Variants in DYTN observed in about 807,000 individuals in gnomAD.
DYTN encodes dystrotelin.
Under a neutral mutation model 69.6 loss-of-function variants are expected in DYTN, and 75 were observed. That is an observed-to-expected ratio of 1.08 (90% CI 0.89 to 1.31). The LOEUF is 1.31. Ranked by LOEUF, DYTN falls within the 50% of genes most tolerant of loss-of-function variation. DYTN has a pLI of 0.00. For missense variants in DYTN, 726 were observed against 688.4 expected (o/e 1.05, Z -0.61); for synonymous variants, 252 against 249.1 (o/e 1.01, Z -0.11).
At position 206,684,937 on chromosome 2, in the gene DYTN, G is replaced by C. The variant is rs148880428; in HGVS notation, c.980+8238C>G. Among the ~76,000 whole-genome samples the C allele has an allele frequency of 2.6e-5, 4 of 152,240 alleles. No individual in the cohort carries two copies. In the East Asian group the frequency reaches 7.7e-4, roughly 29 times the overall value. Reference sequence around the variant, plus strand: ...AAGTTTTATCAGTTTAATTGGTGAAGTCCTAAGATAAAGCAGTGCCTAAAT... The same window carrying C: ...AAGTTTTATCAGTTTAATTGGTGAACTCCTAAGATAAAGCAGTGCCTAAAT... On this transcript the variant is annotated intron_variant, in intron 9 of 11. Coordinates refer to ENST00000452335, the MANE Select transcript of DYTN (RefSeq NM_001093730.1).
intron 9 of DYTN, among the ~76,000 whole-genome samples, chr2:206,689,947 T>G (rs2105896363): frequency 6.6e-6 from 1 of 152,342 alleles, no homozygotes; most frequent in East Asian, 1.9e-4. Context: ...TTATAGATTC[T>G]GGCAATACAA....
chr2:206,655,247 A>AT (rs56068317), intron 11 of DYTN, among the ~76,000 whole-genome samples: 19,039 of 140,784 alleles, frequency 0.14, 1,524 homozygotes, highest in African/African-American at 0.2. Flanking sequence ...TGATTGTGTG[A>AT]TTTTTTTTTT....
rs1574582733 is a variant in DYTN at position 206,651,663 on chromosome 2, A to T, written c.*155T>A. ...TCACTCTGAACTGCAGAACTAAGAT[A>T]CATAAGTAGGGAGGGAGATCAAAAA... On this transcript the variant is annotated 3_prime_UTR_variant, in exon 12 of 12. Transcript: ENST00000452335. The T allele has an allele frequency of 1.6e-6, 1 of 624,138 alleles. No individual in the cohort carries two copies. The highest frequency in any genetic ancestry group is 3.1e-5 in the East Asian group (1 of 32,774). 38.7% of individuals were successfully genotyped at this position (624,138 alleles called of 1,614,324 possible). A position where few individuals can be genotyped will look rare whatever the true frequency, so the allele number is the denominator to read the frequency against.
At chr2:206,665,194 G>A (rs894335592) in intron 10 of DYTN, among the ~76,000 whole-genome samples, 11 of 152,168 alleles carry the variant, frequency 7.2e-5, no homozygotes, top group Non-Finnish European at 1.3e-4. Context: ...AAATTCAGCT[G>A]TCTTTTATTA....
chr2:206,698,087 T>C (rs1429192676), intron 7 of DYTN, among the ~76,000 whole-genome samples: 1 of 152,230 alleles, frequency 6.6e-6, no homozygotes, highest in Non-Finnish European at 1.5e-5. Context: ...TAAATGATTA[T>C]AATGTACTCA....
At position 206,692,959 on chromosome 2, in the gene DYTN, T is replaced by A. The variant is rs10201473; in HGVS notation, c.980+216A>T. ...TCATTTGTAGAAATAACTCTAAACA[T>A]CTGGATGGGTCACCAAAAGGTGTTG... On this transcript the variant is annotated intron_variant, in intron 9 of 11. Transcript: ENST00000452335. 2.0e-3 allele frequency among the ~76,000 whole-genome samples: 308 copies of A among 152,342 alleles called. 3 individuals carry two copies. The highest frequency in any genetic ancestry group is 7.1e-3 in the African/African-American group (297 of 41,568).
At chr2:206,698,283 C>A (rs772545945) in intron 7 of DYTN, among the ~76,000 whole-genome samples, 30 of 152,148 alleles carry the variant, frequency 2.0e-4, no homozygotes, top group Non-Finnish European at 2.9e-4. Context: ...CTGTGTCCTG[C>A]AAATTCTCTG....
intron 11 of DYTN, among the ~76,000 whole-genome samples, chr2:206,659,501 A>C (rs967175524): frequency 5.3e-5 from 8 of 150,654 alleles, no homozygotes; most frequent in Non-Finnish European, 8.9e-5. Context: ...AAAAAAAAAA[A>C]AAAAAAAAAA....
intron 1 of DYTN, among the ~76,000 whole-genome samples, chr2:206,712,085 C>A (rs73983093): frequency 0.05 from 7,546 of 152,190 alleles, 630 homozygotes; most frequent in African/African-American, 0.17. Context: ...GTTCTAACTG[C>A]TTATTGTTGG....
intron 9 of DYTN, among the ~76,000 whole-genome samples, chr2:206,675,145 G>GTGTGTGTGTGTGTATATA (rs1415225495): frequency 2.4e-4 from 29 of 120,412 alleles, no homozygotes; most frequent in African/African-American, 4.7e-4. Flanking sequence ...GTGTGTGTGT[G>GTGTGTGTGTGTGTATATA]TATATATGTG....
chr2:206,673,361 G>A (rs1018688910), intron 9 of DYTN, among the ~76,000 whole-genome samples: 16 of 152,020 alleles, frequency 1.1e-4, no homozygotes, highest in African/African-American at 2.4e-4. Context: ...GGGTTCAAGC[G>A]ATTCTCCTGC....
chr2:206,700,332 G>C (rs1390685178), intron 5 of DYTN, 116 bp from the exon 6 acceptor site: 1 of 1,078,716 alleles, frequency 9.3e-7, no homozygotes, highest in African/African-American at 1.5e-5. Flanking sequence ...TTTGGTATCT[G>C]AGACGAGGTG....
intron 10 of DYTN, 55 bp from the exon 11 acceptor site, chr2:206,663,450 T>C (rs953669542): frequency 2.8e-5 from 41 of 1,481,806 alleles, no homozygotes; most frequent in Non-Finnish European, 3.5e-5. Flanking sequence ...TACTTTTTCA[T>C]AAATGCATTA....
chr2:206,668,603 G>A (rs1699598799), intron 9 of DYTN, among the ~76,000 whole-genome samples: 1 of 152,120 alleles, frequency 6.6e-6, no homozygotes. Context: ...TAAGCAGCTT[G>A]AATCTCCCAT....
chr2:206,693,528 A>C (rs990889830), intron 8 of DYTN, among the ~76,000 whole-genome samples: 1 of 151,638 alleles, frequency 6.6e-6, no homozygotes, highest in Non-Finnish European at 1.5e-5. Context: ...AACACCCCAA[A>C]CCCCCTCAAT....
rs757571480 is a variant in DYTN, at chr2:206,665,883, C to A, written c.1127G>T (p.Arg376Ile). 6.2e-7 allele frequency: 1 copy of A among 1,613,698 alleles called. No homozygotes were observed. The highest frequency in any genetic ancestry group is 1.1e-5 in the South Asian group (1 of 90,994). Residue 376 changes from arginine (R) to isoleucine (I), a missense_variant, in exon 10 of 12, where the codon AGA becomes ATA. Coordinates refer to ENST00000452335, the MANE Select transcript of DYTN (RefSeq NM_001093730.1). ...CACATTTTATACCTGTAGGTCCCGT[C>A]TTATCTGTTGTAGCTTGGTCCATAG... ...DSLWTKLQQI[R>I]RDLQARLQPP...
intron 5 of DYTN, among the ~76,000 whole-genome samples, chr2:206,703,723 T>C (rs1315548281): frequency 1.3e-5 from 2 of 152,190 alleles, no homozygotes; most frequent in Admixed American, 1.3e-4. Context: ...CTTGCTCCCA[T>C]CATGCATGGC....
chr2:206,675,303 TTA>T (rs913004830), intron 9 of DYTN, among the ~76,000 whole-genome samples: 1 of 147,572 alleles, frequency 6.8e-6, no homozygotes, highest in African/African-American at 2.5e-5. Flanking sequence ...TATTTATATT[TTA>T]TATGTTGATC....
intron 11 of DYTN, among the ~76,000 whole-genome samples, chr2:206,654,610 C>G (rs1052262922): frequency 4.6e-5 from 7 of 152,156 alleles, no homozygotes; most frequent in Admixed American, 4.6e-4. Flanking sequence ...TTTTTGGCAG[C>G]ATGGAGGGTC....
Sources: gnomAD v4.1 joint callset for allele counts (sites outside exome capture counted in the v4.1 genomes callset) on GRCh38, gnomAD v4.1.1 for gene constraint, MANE v1.5 for transcripts, NCBI Gene and HGNC (gene_info 2026-07-23, HGNC 2026-07-21) for gene names.